The following RBFOX2 variants were observed in gnomAD, a reference collection of about 807,000 sequenced individuals.
RBFOX2 encodes the protein RNA binding fox-1 homolog 2, also known as RNA binding protein fox-1 homolog 2.
A neutral mutation model predicts 49.1 loss-of-function variants in RBFOX2; 10 were observed. The ratio of observed to expected loss-of-function variants is 0.20; its 90% CI spans 0.13 to 0.35. The LOEUF (loss-of-function observed/expected upper bound fraction) is 0.35, where lower values mean the gene tolerates loss of function less well. RBFOX2 is among the 10% of genes least tolerant of loss of function. The pLI is 1.00. For missense variants in RBFOX2, 323 were observed against 486.9 expected, an observed-to-expected ratio of 0.66 and a Z score of 3.17; for synonymous variants, 183 against 187.4, an observed-to-expected ratio of 0.98 and a Z score of 0.19.
chr22:35,770,523 C>T lies in RBFOX2; in HGVS notation c.454-2174G>A, dbSNP rs1257069165. ...CATTTTGAAGGTAAAGAAACTGAGT[C>T]GAACTGAGATTAAGTACCCAAGGAT... On this transcript the variant is annotated intron_variant, in intron 4 of 11. Coordinates refer to ENST00000405409, the Ensembl canonical transcript of RBFOX2. 2.6e-5 allele frequency among the ~76,000 whole-genome samples: 4 copies of T among 152,040 alleles called. No individual in the cohort carries two copies. The East Asian group carries it at 7.7e-4, about 29-fold the overall frequency.
At chr22:35,779,196 TAA>T (rs1191590449) in intron 3 of RBFOX2, among the ~76,000 whole-genome samples, 1 of 152,170 alleles carries the variant, frequency 6.6e-6, no homozygotes, top group Non-Finnish European at 1.5e-5. Context: ...AAAGTATATA[TAA>T]AAAGAGACAA....
chr22:35,916,286 T>A lies in RBFOX2; in HGVS notation c.-34+22561A>T, dbSNP rs115622193. 8.7e-3 allele frequency among the ~76,000 whole-genome samples: 1,329 copies of A among 152,200 alleles called. 17 individuals are homozygous for A. The highest frequency in any genetic ancestry group is 0.03 in the African/African-American group (1,250 of 41,546). On this transcript the variant is annotated intron_variant, in intron 1 of 13. Transcript: ENST00000359369. ...ATAGAGAGAATGGGTGTTTGCATGT[T>A]TGTTTGTTTGTTTGTGACAGGGTCT...
intron 1 of RBFOX2, among the ~76,000 whole-genome samples, chr22:35,920,444 T>C (rs892256300): frequency 6.6e-6 from 1 of 152,212 alleles, no homozygotes; most frequent in Admixed American, 6.5e-5. Context: ...TCCCAGTCTA[T>C]TCCTGATACT....
chr22:35,813,618 CT>C (rs1221460671), intron 1 of RBFOX2, among the ~76,000 whole-genome samples: 3 of 152,176 alleles, frequency 2.0e-5, no homozygotes, highest in African/African-American at 4.8e-5. Context: ...ACATTGAAAT[CT>C]AAAGCCTCAT....
intron 1 of RBFOX2, among the ~76,000 whole-genome samples, chr22:35,990,586 T>C (rs2150107188): frequency 6.6e-6 from 1 of 152,282 alleles, no homozygotes; most frequent in South Asian, 2.1e-4. Flanking sequence ...CCCCAAAATG[T>C]GGCCTTAGAA....
At chr22:35,871,093 T>G (rs1422821409) in intron 1 of RBFOX2, among the ~76,000 whole-genome samples, 1 of 152,358 alleles carries the variant, frequency 6.6e-6, no homozygotes, top group East Asian at 1.9e-4. Context: ...TGGGTTGGTA[T>G]GTTGGCTACC....
chr22:35,744,370 C>T lies in RBFOX2; in HGVS notation c.1050-121G>A, dbSNP rs1931475862. The T allele has an allele frequency of 8.8e-6, 8 of 905,696 alleles. No individual in the cohort carries two copies. The East Asian group carries it at 2.3e-4, about 26-fold the overall frequency. 56.1% of individuals were successfully genotyped at this position (905,696 alleles called of 1,614,324 possible). A position where few individuals can be genotyped will look rare whatever the true frequency, so the allele number is the denominator to read the frequency against. ...GCTTCGAAGCCTCAAAGCAACTGAT[C>T]AAGCATTGCCTTGTGCAGTGAAGTC... is the stretch of plus-strand genomic sequence containing the variant. On this transcript the variant is annotated intron_variant, in intron 11 of 11. Transcript: ENST00000405409.
chr22:35,861,510 AAAG>A (rs2043091729), intron 1 of RBFOX2, among the ~76,000 whole-genome samples: 1 of 152,192 alleles, frequency 6.6e-6, no homozygotes, highest in Non-Finnish European at 1.5e-5. Context: ...CACCTGATTA[AAAG>A]AAGATGGTAA....
At chr22:35,878,981 TG>T (rs2045523209) in intron 1 of RBFOX2, among the ~76,000 whole-genome samples, 1 of 152,228 alleles carries the variant, frequency 6.6e-6, no homozygotes, top group African/African-American at 2.4e-5. Flanking sequence ...CCACCCGCCT[TG>T]GCCTCCCAAA....
intron 1 of RBFOX2, among the ~76,000 whole-genome samples, chr22:35,874,802 C>G (rs2044803538): frequency 6.6e-6 from 1 of 152,108 alleles, no homozygotes; most frequent in Non-Finnish European, 1.5e-5. Flanking sequence ...GTGTTATGGA[C>G]CAAGTGTTTG....
chr22:35,793,093 C>T (rs2076980158), intron 2 of RBFOX2, among the ~76,000 whole-genome samples: 1 of 151,802 alleles, frequency 6.6e-6, no homozygotes, highest in Non-Finnish European at 1.5e-5. Context: ...CTAATGGGGC[C>T]GGGTGCAATG....
chr22:35,896,598 G>A (rs938857852), intron 1 of RBFOX2, among the ~76,000 whole-genome samples: 2 of 152,110 alleles, frequency 1.3e-5, no homozygotes, highest in African/African-American at 4.8e-5. Flanking sequence ...CCATAGTGGG[G>A]TTTCTTCCTC....
intron 1 of RBFOX2, among the ~76,000 whole-genome samples, chr22:36,003,815 G>A (rs1438462729): frequency 6.6e-6 from 1 of 152,208 alleles, no homozygotes; most frequent in Middle Eastern, 3.2e-3. Flanking sequence ...TGGATGTGCA[G>A]AGTTCTACAA....
At chr22:36,009,383 CT>C (rs895527884) in intron 1 of RBFOX2, among the ~76,000 whole-genome samples, 1 of 151,568 alleles carries the variant, frequency 6.6e-6, no homozygotes, top group Non-Finnish European at 1.5e-5. Context: ...AAGGGCCTTC[CT>C]TTTTTTTGAG....
At chr22:35,775,302 GT>G (rs1270928547) in intron 4 of RBFOX2, among the ~76,000 whole-genome samples, 3 of 152,034 alleles carry the variant, frequency 2.0e-5, no homozygotes, top group Non-Finnish European at 2.9e-5. Context: ...CAAAAACAAG[GT>G]TTTGTATCAG....
intron 1 of RBFOX2, among the ~76,000 whole-genome samples, chr22:35,991,114 AAC>A (rs1163655775): frequency 2.6e-5 from 4 of 152,130 alleles, no homozygotes; most frequent in Non-Finnish European, 4.4e-5. Flanking sequence ...AAATTACAAA[AAC>A]AAAAAACAAA....
intron 1 of RBFOX2, among the ~76,000 whole-genome samples, chr22:35,862,229 A>G (rs1459900569): frequency 6.6e-6 from 1 of 152,198 alleles, no homozygotes; most frequent in Non-Finnish European, 1.5e-5. Flanking sequence ...GGGTATATAC[A>G]TATGCCAAAA....
chr22:35,744,063 C>A, exon 12 of RBFOX2: 1 of 671,278 alleles, frequency 1.5e-6, no homozygotes. Flanking sequence ...AAAAAGTATT[C>A]TTTCTTTTTT....
chr22:35,852,531 G>A (rs1603411794), intron 1 of RBFOX2, among the ~76,000 whole-genome samples: 1 of 149,244 alleles, frequency 6.7e-6, no homozygotes, highest in Admixed American at 6.7e-5. Flanking sequence ...AAAACCTTAT[G>A]CTAAATTTCC....
Sources: gnomAD v4.1 joint callset for allele counts (sites outside exome capture counted in the v4.1 genomes callset) on GRCh38, gnomAD v4.1.1 for gene constraint, MANE v1.5 for transcripts, NCBI Gene and HGNC (gene_info 2026-07-23, HGNC 2026-07-21) for gene names.